The following DPP9 variants were observed in gnomAD, a reference collection of about 807,000 sequenced individuals.
DPP9 encodes the protein dipeptidyl peptidase 9.
In DPP9, 50 loss-of-function variants were observed where a neutral mutation model predicts 110.7. The observed-to-expected ratio is 0.45, with a 90% CI of 0.36 to 0.57. The LOEUF (loss-of-function observed/expected upper bound fraction) is 0.57, where lower values mean the gene tolerates loss of function less well. Ranked by LOEUF, DPP9 falls within the 20% of genes least tolerant of loss-of-function variation. The pLI is 0.00. For synonymous variants in DPP9, 561 were observed against 514.4 expected (o/e 1.09, Z -1.23); for missense variants, 1,022 against 1,217.9 (o/e 0.84, Z 2.39).
chr19:4,722,228 C>T, intron 2 of DPP9: 1 of 453,522 alleles, frequency 2.2e-6, no homozygotes. Context: ...CCAGGCACCC[C>T]TCCACCAAAT....
In DPP9 at chr19:4,707,754, T is replaced by C. The variant is rs1247250563; in HGVS notation, c.314-1784A>G. Among the ~76,000 whole-genome samples the C allele has an allele frequency of 4.7e-5, 7 of 150,394 alleles. No individual in the cohort carries two copies. In the Admixed American group the frequency reaches 4.7e-4, roughly 10 times the overall value. ...AATTCTCCTGCCTCAGCCTCCAGAG[T>C]AGCTGGGATTACAGGCGCCCACCAC... On this transcript the variant is annotated intron_variant, in intron 4 of 21. Transcript: ENST00000262960.
intron 3 of DPP9, chr19:4,715,552 C>G (rs1014521126): frequency 2.6e-5 from 4 of 152,130 alleles, no homozygotes; most frequent in Admixed American, 2.6e-4. Flanking sequence ...TGGCACGTGG[C>G]AGGCATTCCA....
Position 4,700,047 on chromosome 19 carries a change from C to T in DPP9, c.1074+169G>A, listed in dbSNP as rs116016098. Among the ~76,000 whole-genome samples the T allele has an allele frequency of 3.3e-5, 5 of 152,172 alleles. No individual in the cohort carries two copies. Among genetic ancestry groups the T allele is most frequent in the Admixed American group, 6.5e-5 (1 of 15,286 alleles). ...GCCACGCCGCATTCTAGGCACAGGT[C>T]CAGAGACACACAGGGAAGGCCTGTG... On this transcript the variant is annotated intron_variant, in intron 10 of 21. Transcript: ENST00000262960. The surrounding 1 kb of genome is among the most constrained non-coding windows in gnomAD (Gnocchi z 4.3).
At chr19:4,716,302 A>T (rs2093071253) in intron 3 of DPP9, 1 of 152,430 alleles carries the variant, frequency 6.6e-6, no homozygotes, top group Non-Finnish European at 1.5e-5. Flanking sequence ...TTGAGAGGGA[A>T]GGGGAGAAAG....
At chr19:4,720,420 G>C in intron 2 of DPP9, among the ~76,000 whole-genome samples, 1 of 152,172 alleles carries the variant, frequency 6.6e-6, no homozygotes, top group East Asian at 1.9e-4. Flanking sequence ...TGAAATGCCA[G>C]TTCCTGCTTT....
chr19:4,688,905 T>G lies in DPP9; in HGVS notation c.1750-13A>C. 6.6e-7 allele frequency: 1 copy of G among 1,513,396 alleles called. No individual in the cohort carries two copies. Among genetic ancestry groups the G allele is most frequent in the Non-Finnish European group, 8.7e-7 (1 of 1,147,966 alleles). 93.7% of individuals were successfully genotyped at this position (1,513,396 alleles called of 1,614,324 possible). On this transcript the variant is annotated splice_polypyrimidine_tract_variant and intron_variant, in intron 15 of 21. Transcript: ENST00000262960. ...ACATGTCGAAGTTCTGGGGGTGGAA[T>G]GGGGTGATGAGCTCCACGGGATGCC...
Position 4,714,068 on chromosome 19 carries a change from G to A in DPP9, c.313+13C>T, listed in dbSNP as rs1277030395. 2.5e-6 allele frequency: 4 copies of A among 1,603,212 alleles called. No individual in the cohort carries two copies. Among genetic ancestry groups the A allele is most frequent in the Middle Eastern group, 1.7e-4 (1 of 5,982 alleles). On this transcript the variant is annotated intron_variant, in intron 4 of 21. Transcript: ENST00000262960. Reference sequence around the variant, plus strand: ...GCTGTCCCCGCCCAAGCAGCCTGCAGGGCCCGGCTTACCCAGGTAGTAGAG... The same window carrying A: ...GCTGTCCCCGCCCAAGCAGCCTGCAAGGCCCGGCTTACCCAGGTAGTAGAG...
Position 4,710,923 on chromosome 19 carries a change from T to C in DPP9, c.313+3158A>G, listed in dbSNP as rs753040859. ...TGGGCCCTCAGCACCTCCTGTGTACTGTGAGGACCTGCCTGTCCCAGCCCC... is the reference window on the plus strand; with the variant it reads ...TGGGCCCTCAGCACCTCCTGTGTACCGTGAGGACCTGCCTGTCCCAGCCCC... On this transcript the variant is annotated intron_variant, in intron 4 of 21. Coordinates refer to ENST00000262960, the MANE Select transcript of DPP9 (RefSeq NM_139159.5). This position sits in a 1 kb window ranked among gnomAD's most constrained non-coding sequence, Gnocchi z 5.6. 5.2e-4 allele frequency among the ~76,000 whole-genome samples: 79 copies of C among 152,278 alleles called. No individual in the cohort carries two copies. The highest frequency in any genetic ancestry group is 1.2e-3 in the Admixed American group (18 of 15,302).
chr19:4,689,445 AG>A lies in DPP9; in HGVS notation c.1749+124del. The A allele has an allele frequency of 7.8e-7, 1 of 1,288,576 alleles. No homozygotes were observed. The highest frequency in any genetic ancestry group is 1.4e-5 in the South Asian group (1 of 70,520). The allele number at this position is 1,288,576 out of a possible 1,614,324, so 79.8% of individuals were successfully genotyped here. A position where few individuals can be genotyped will look rare whatever the true frequency, so the allele number is the denominator to read the frequency against. The stretch of plus-strand genomic sequence containing the variant: ...GCAGGGGTGGGCACTGCCTGCCCCA[AG>A]GCAGCTATGAGAATGCGAGACCATG... On this transcript the variant is annotated intron_variant, in intron 15 of 21. Coordinates refer to ENST00000262960, the MANE Select transcript of DPP9 (RefSeq NM_139159.5). This position sits in a 1 kb window ranked among gnomAD's most constrained non-coding sequence, Gnocchi z 7.0.
chr19:4,683,464 G>A lies in DPP9; in HGVS notation c.2331+13C>T, dbSNP rs1420016826. ...GAGGGGCGTGGCTGAGGCCGGCCAG[G>A]GGTGGGACCCACCTTGAACACCTGG... On this transcript the variant is annotated intron_variant, in intron 19 of 21. Coordinates refer to ENST00000262960, the MANE Select transcript of DPP9 (RefSeq NM_139159.5). The A allele has an allele frequency of 5.0e-6, 8 of 1,612,704 alleles. No homozygotes were observed. In the South Asian group the frequency reaches 8.8e-5, roughly 18 times the overall value.
chr19:4,680,590 G>A (rs2089710084), intron 20 of DPP9, among the ~76,000 whole-genome samples: 1 of 150,016 alleles, frequency 6.7e-6, no homozygotes, highest in Non-Finnish European at 1.5e-5. Context: ...GTGCACACCT[G>A]TGGTCCCAGC....
At position 4,689,367 on chromosome 19, in the gene DPP9, T is replaced by C. The variant is rs1269051730; in HGVS notation, c.1749+203A>G. On this transcript the variant is annotated intron_variant, in intron 15 of 21. Transcript: ENST00000262960. The surrounding 1 kb of genome is among the most constrained non-coding windows in gnomAD (Gnocchi z 7.0). ...GGCACTGGGGGGCTCCACCACTTAC[T>C]ACCCTGGGATTGGTGGTGGGCAATT... 1.3e-5 allele frequency among the ~76,000 whole-genome samples: 2 copies of C among 152,164 alleles called. No individual in the cohort carries two copies. The highest frequency in any genetic ancestry group is 2.9e-5 in the Non-Finnish European group (2 of 67,992).
intron 4 of DPP9, among the ~76,000 whole-genome samples, chr19:4,708,043 T>C (rs924587390): frequency 6.6e-6 from 1 of 152,294 alleles, no homozygotes; most frequent in East Asian, 1.9e-4. Context: ...CGCAGGGTCC[T>C]CCAGTTCCTC....
chr19:4,714,025 G>A, intron 4 of DPP9, 56 bp downstream of exon 4: 1 of 1,540,610 alleles, frequency 6.5e-7, no homozygotes, highest in East Asian at 2.3e-5. Context: ...AGAGGACCAG[G>A]GAACTGTGGT....
chr19:4,702,553 C>T lies in DPP9; in HGVS notation c.883+50G>A, dbSNP rs971199543. The T allele has an allele frequency of 3.5e-6, 5 of 1,417,376 alleles. No homozygotes were observed. In the Admixed American group the frequency reaches 8.0e-5, roughly 23 times the overall value. 87.8% of individuals were successfully genotyped at this position (1,417,376 alleles called of 1,614,324 possible). A position where few individuals can be genotyped will look rare whatever the true frequency, so the allele number is the denominator to read the frequency against. On this transcript the variant is annotated intron_variant, in intron 8 of 21. Coordinates refer to ENST00000262960, the MANE Select transcript of DPP9 (RefSeq NM_139159.5). Reference sequence around the variant, plus strand: ...GCAGGAAGGACACAGCCTGTGATTCCAGGAGGAAAAGCACGCCCGGGAGCA... The same window carrying T: ...GCAGGAAGGACACAGCCTGTGATTCTAGGAGGAAAAGCACGCCCGGGAGCA...
chr19:4,681,080 A>C (rs2089805833), intron 20 of DPP9, among the ~76,000 whole-genome samples: 1 of 152,176 alleles, frequency 6.6e-6, no homozygotes, highest in Non-Finnish European at 1.5e-5. Context: ...CCTGTCCGAT[A>C]CGGGAGCCAG....
At chr19:4,723,451 TG>T (rs1430007339) in intron 1 of DPP9, among the ~76,000 whole-genome samples, 25 of 151,990 alleles carry the variant, frequency 1.6e-4, no homozygotes, top group African/African-American at 6.0e-4. Context: ...GGAGGTGGCC[TG>T]GCCAGCGCAG....
chr19:4,720,545 G>A (rs754719394), intron 2 of DPP9, among the ~76,000 whole-genome samples: 4 of 152,166 alleles, frequency 2.6e-5, no homozygotes, highest in East Asian at 1.9e-4. Context: ...ACACCCAGAC[G>A]CTGATACAAT....
rs1256889578 is a variant in DPP9 at position 4,690,911 on chromosome 19, A to G, written c.1563T>C (p.Gly521=). ...CGTGCCTCGCCAAAACCTCCCATTC[A>G]CCGCTGGTCAGAGCAATCTCTTCCT... ...PIKEEIALTS[G]EWEVLARHGS... Residue 521 remains glycine (G), a synonymous_variant, in exon 14 of 22, where the codon GGT becomes GGC. Transcript: ENST00000262960. 7.4e-6 allele frequency: 12 copies of G among 1,613,392 alleles called. No homozygotes were observed. The highest frequency in any genetic ancestry group is 1.1e-5 in the South Asian group (1 of 90,886).
Sources: gnomAD v4.1 joint callset for allele counts (sites outside exome capture counted in the v4.1 genomes callset) on GRCh38, gnomAD v4.1.1 for gene constraint, Gnocchi (gnomAD v3.1) non-coding constraint, MANE v1.5 for transcripts, NCBI Gene and HGNC (gene_info 2026-07-23, HGNC 2026-07-21) for gene names.